Variants in RPE observed in about 807,000 individuals in gnomAD.
RPE encodes ribulose-5-phosphate-3-epimerase.
RPE carries 16 observed loss-of-function variants against 24.6 expected under a neutral mutation model. The observed-to-expected ratio is 0.65, with a 90% CI of 0.44 to 0.99. The LOEUF is 0.99. Among genes scored for constraint, RPE ranks in the 50% least tolerant of loss-of-function variants. The pLI is 0.00. For synonymous variants in RPE, 93 were observed against 98.4 expected, an observed-to-expected ratio of 0.94 and a Z score of 0.33; for missense variants, 240 against 294.5, an observed-to-expected ratio of 0.81 and a Z score of 1.35.
intron 2 of RPE, 91 bp from the exon 3 acceptor site, chr2:210,015,882 T>C (rs2093764180): frequency 4.4e-6 from 6 of 1,366,462 alleles, no homozygotes; most frequent in South Asian, 2.7e-5. Flanking sequence ...AGAGTTCTTA[T>C]CAGAAGTGGC....
chr2:210,015,081 G>C (rs946936282), intron 2 of RPE, among the ~76,000 whole-genome samples: 1 of 152,104 alleles, frequency 6.6e-6, no homozygotes, highest in African/African-American at 2.4e-5. Flanking sequence ...ATTTGTTCTT[G>C]CAGTCTTGCC....
intron 5 of RPE, chr2:210,018,123 T>G (rs1309148391): frequency 1.3e-6 from 2 of 1,514,076 alleles, no homozygotes; most frequent in South Asian, 2.5e-5. Context: ...AAGAAAGTTC[T>G]TTTTTATAAA....
intron 2 of RPE, among the ~76,000 whole-genome samples, chr2:210,010,446 T>C (rs376019714): frequency 1.8e-4 from 28 of 152,248 alleles, no homozygotes; most frequent in African/African-American, 6.7e-4. Context: ...TTTTTTAAAA[T>C]AGAGACTGAG....
Position 210,017,452 on chromosome 2 carries a change from T to C in RPE, c.478-21T>C, listed in dbSNP as rs758080688. 1.5e-5 allele frequency: 17 copies of C among 1,172,052 alleles called. No individual in the cohort carries two copies. In the South Asian group the frequency reaches 1.8e-4, roughly 13 times the overall value. The allele number at this position is 1,172,052 out of a possible 1,614,324, so 72.6% of individuals were successfully genotyped here. A position where few individuals can be genotyped will look rare whatever the true frequency, so the allele number is the denominator to read the frequency against. ...ACATACCCACTTTAGGAGTTACTTA[T>C]TTCCTCATGTATATATCTAGGTTCA... On this transcript the variant is annotated intron_variant, in intron 4 of 5. Transcript: ENST00000359429.
intron 1 of RPE, among the ~76,000 whole-genome samples, chr2:210,005,632 GA>G (rs140271486): frequency 0.023 from 3,409 of 145,424 alleles, 81 homozygotes; most frequent in African/African-American, 0.061. Flanking sequence ...ACTTTTGGGG[GA>G]AAAAAAAAAA....
At chr2:210,014,296 A>G (rs1575315036) in intron 2 of RPE, among the ~76,000 whole-genome samples, 1 of 151,596 alleles carries the variant, frequency 6.6e-6, no homozygotes, top group Non-Finnish European at 1.5e-5. Flanking sequence ...TCACCGTGTT[A>G]GCCAGGATGG....
At chr2:210,016,455 A>G in intron 3 of RPE, 52 bp from the exon 4 acceptor site, 2 of 1,612,608 alleles carry the variant, frequency 1.2e-6, no homozygotes, top group Admixed American at 1.7e-5. Context: ...CCACAATAAT[A>G]TAATACAGAA....
intron 2 of RPE, among the ~76,000 whole-genome samples, chr2:210,015,325 C>A (rs2093755923): frequency 6.6e-6 from 1 of 152,200 alleles, no homozygotes; most frequent in Non-Finnish European, 1.5e-5. Flanking sequence ...CTTGTCACTT[C>A]ACTGTGGTGG....
rs2093867241 is a variant in RPE at position 210,022,083 on chromosome 2, G to A, written c.*2292G>A. ...TTTAAAACTGGTGTCTTCTCTTCAT[G>A]AGACACATTAATTGGTAAAACTCAA... is the stretch of plus-strand genomic sequence containing the variant. On this transcript the variant is annotated 3_prime_UTR_variant, in exon 6 of 6. Transcript: ENST00000359429. The A allele has an allele frequency of 6.7e-6, 1 of 148,952 alleles. No homozygotes were observed. Among genetic ancestry groups the A allele is most frequent in the East Asian group, 2.0e-4 (1 of 5,118 alleles). The allele number at this position is 148,952 out of a possible 1,614,324, so 9.2% of individuals were successfully genotyped here. A position where few individuals can be genotyped will look rare whatever the true frequency, so the allele number is the denominator to read the frequency against.
At chr2:210,014,114 T>G (rs983966503) in intron 2 of RPE, among the ~76,000 whole-genome samples, 1 of 151,688 alleles carries the variant, frequency 6.6e-6, no homozygotes, top group African/African-American at 2.4e-5. Flanking sequence ...TTTTTTGAGA[T>G]GGAGTCTCGC....
At chr2:210,003,275 T>G (rs2093587077) in intron 1 of RPE, among the ~76,000 whole-genome samples, 1 of 152,180 alleles carries the variant, frequency 6.6e-6, no homozygotes, top group Non-Finnish European at 1.5e-5. Context: ...GTTTCATAAT[T>G]TGAAAAATGG....
At chr2:210,017,733 C>CTT (rs1270574264) in intron 5 of RPE, 174 bp downstream of exon 5, 9,946 of 296,400 alleles carry the variant, frequency 0.034, 107 homozygotes, top group South Asian at 0.054. Flanking sequence ...AGTGGATATG[C>CTT]TTTTTTTTTT....
At chr2:210,014,464 A>AT (rs1486166863) in intron 2 of RPE, among the ~76,000 whole-genome samples, 2 of 152,042 alleles carry the variant, frequency 1.3e-5, no homozygotes, top group African/African-American at 2.4e-5. Context: ...GATTTAATAC[A>AT]TTTTTTTAAG....
intron 1 of RPE, among the ~76,000 whole-genome samples, 176 bp from the exon 2 acceptor site, chr2:210,009,481 T>G (rs1352563031): frequency 6.6e-6 from 1 of 152,210 alleles, no homozygotes; most frequent in African/African-American, 2.4e-5. Flanking sequence ...CAAGGAGACA[T>G]TGCCTAGTAA....
chr2:210,006,397 C>A (rs1387508799), intron 1 of RPE, among the ~76,000 whole-genome samples: 1 of 152,070 alleles, frequency 6.6e-6, no homozygotes, highest in Non-Finnish European at 1.5e-5. Flanking sequence ...CTTAGCGTAG[C>A]CTTTGGGTTT....
chr2:210,002,703 C>G lies in RPE; in HGVS notation c.42C>G (p.Ser14Arg). The change falls in exon 1 of 6, where the codon AGC (serine) becomes AGG (arginine). Residue 14 changes from serine to arginine, a missense_variant. Coordinates refer to ENST00000359429, the MANE Select transcript of RPE (RefSeq NM_199229.3). ...AGATTGGCCCGTCCATCCTCAACAG[C>G]GACCTGGCCAATTTAGGGGCCGAGT... ...GCKIGPSILNSDLANLGAECL... is the reference protein window; with the variant it reads ...GCKIGPSILNRDLANLGAECL... 1 of 1,614,188 alleles carries G rather than the reference C, an allele frequency of 6.2e-7. No homozygotes were observed. Among genetic ancestry groups the G allele is most frequent in the East Asian group, 2.2e-5 (1 of 44,874 alleles).
chr2:210,009,246 C>G (rs1483657809), intron 1 of RPE, among the ~76,000 whole-genome samples: 1 of 152,066 alleles, frequency 6.6e-6, no homozygotes, highest in Non-Finnish European at 1.5e-5. Context: ...CATTTAGTGC[C>G]TTGTGATAGA....
chr2:210,016,208 G>T, intron 3 of RPE, 96 bp downstream of exon 3: 1 of 1,613,890 alleles, frequency 6.2e-7, no homozygotes, highest in Non-Finnish European at 8.5e-7. Context: ...ATACAGTCTT[G>T]CTCTGTCACC....
chr2:210,018,811 A>G (rs1462568902), intron 5 of RPE: 4 of 452,908 alleles, frequency 8.8e-6, no homozygotes, highest in Non-Finnish European at 1.2e-5. Context: ...ATAATGGAAC[A>G]CTAGGCATAA....
Sources: allele counts gnomAD v4.1 joint callset (sites outside exome capture counted in the v4.1 genomes callset), GRCh38; gene constraint gnomAD v4.1.1; transcripts MANE v1.5; gene names NCBI Gene and HGNC (gene_info 2026-07-23, HGNC 2026-07-21).